Variants in VPS72 observed in about 807,000 individuals in gnomAD.
VPS72 encodes the protein vacuolar protein sorting 72 homolog.
In VPS72, 27 loss-of-function variants were observed where a neutral mutation model predicts 38.9. The observed-to-expected ratio is 0.69, with a 90% CI of 0.51 to 0.96. VPS72 has a LOEUF of 0.96. VPS72 is among the 40% of genes least tolerant of loss of function. The pLI is 0.00. For synonymous variants in VPS72, 173 were observed against 186.3 expected, an observed-to-expected ratio of 0.93 and a Z score of 0.58; for missense variants, 360 against 479.5, an observed-to-expected ratio of 0.75 and a Z score of 2.33.
At chr1:151,177,481 C>T (rs966896237) in intron 5 of VPS72, among the ~76,000 whole-genome samples, 5 of 150,848 alleles carry the variant, frequency 3.3e-5, no homozygotes, top group African/African-American at 1.2e-4. Context: ...TTCTGAGGAA[C>T]GTACTAAGTG....
intron 4 of VPS72, among the ~76,000 whole-genome samples, chr1:151,178,357 T>C (rs1684163191): frequency 6.6e-6 from 1 of 152,236 alleles, no homozygotes; most frequent in African/African-American, 2.4e-5. Context: ...TCTCTGCTCA[T>C]TTCTCAAGTA....
In VPS72 at chr1:151,176,462, G is replaced by A. The variant is rs1323441038; in HGVS notation, c.*182C>T. ...ACCCTAGACTGGACACCAGACAAAA[G>A]GGATCTTTCTATTTTATTAGATTAA... On this transcript the variant is annotated 3_prime_UTR_variant, in exon 6 of 6. Coordinates refer to ENST00000368892, the MANE Select transcript of VPS72 (RefSeq NM_005997.3). The A allele has an allele frequency of 8.5e-6, 9 of 1,054,912 alleles. No homozygotes were observed. The highest frequency in any genetic ancestry group is 5.2e-5 in the Admixed American group (2 of 38,360). The allele number at this position is 1,054,912 out of a possible 1,614,324, so 65.3% of individuals were successfully genotyped here.
chr1:151,181,287 G>C (rs1363299756), intron 4 of VPS72, among the ~76,000 whole-genome samples: 1 of 150,102 alleles, frequency 6.7e-6, no homozygotes, highest in South Asian at 2.1e-4. Context: ...GCCCAGGCTG[G>C]AGTGTAGCGA....
In VPS72 at chr1:151,185,503, C is replaced by T. The variant is rs1161414256; in HGVS notation, c.385+3G>A. 7 of 1,613,970 alleles carry T rather than the reference C, an allele frequency of 4.3e-6. No individual in the cohort carries two copies. The South Asian group carries it at 7.7e-5, about 18-fold the overall frequency. ...GCCAATTGACCCTAACATCCCTACT[C>T]ACTGTCAGAGCCGTCATCTTGTAGT... On this transcript the variant is annotated splice_donor_region_variant and intron_variant, in intron 3 of 5. Coordinates refer to ENST00000368892, the MANE Select transcript of VPS72 (RefSeq NM_005997.3).
chr1:151,185,617 G>T lies in VPS72; in HGVS notation c.274C>A (p.Pro92Thr). The T allele has an allele frequency of 6.2e-7, 1 of 1,614,122 alleles. No individual in the cohort carries two copies. Among genetic ancestry groups the T allele is most frequent in the East Asian group, 2.2e-5 (1 of 44,890 alleles). Residue 92 changes from proline to threonine, a missense_variant, in exon 3 of 6, where the codon CCT (proline) becomes ACT (threonine). Transcript: ENST00000368892. ...TTTCGAGGCCTTAAGCTCTTGAGAG[G>T]TTCCTGAGGACAGATTGGAATCAGA... ...RRVVTKAYKE[P>T]LKSLRPRKVN...
At chr1:151,185,650 G>A in intron 2 of VPS72, 30 bp from the exon 3 acceptor site, 1 of 1,611,986 alleles carries the variant, frequency 6.2e-7, no homozygotes, top group Non-Finnish European at 8.5e-7. Flanking sequence ...AGATACTGGG[G>A]AACAGAAGAA....
At chr1:151,181,464 C>T (rs587725058) in intron 4 of VPS72, among the ~76,000 whole-genome samples, 242 of 151,800 alleles carry the variant, frequency 1.6e-3, no homozygotes, top group South Asian at 3.1e-3. Context: ...AGGCTGGTCT[C>T]GAACTCCTTA....
intron 4 of VPS72, among the ~76,000 whole-genome samples, chr1:151,183,710 C>G (rs903983969): frequency 1.3e-5 from 2 of 152,128 alleles, no homozygotes; most frequent in Non-Finnish European, 2.9e-5. Context: ...GATCCACCCA[C>G]CTTGGCCTCC....
At chr1:151,189,600 C>T (rs1684419663) in intron 1 of VPS72, among the ~76,000 whole-genome samples, 1 of 152,128 alleles carries the variant, frequency 6.6e-6, no homozygotes, top group Non-Finnish European at 1.5e-5. Flanking sequence ...GGAGCGGTTC[C>T]TTTCCATGTC....
At chr1:151,182,651 C>G (rs1349025559) in intron 4 of VPS72, among the ~76,000 whole-genome samples, 1 of 151,966 alleles carries the variant, frequency 6.6e-6, no homozygotes, top group African/African-American at 2.4e-5. Flanking sequence ...AATGTCTGAC[C>G]TCTATCTCAC....
Position 151,178,001 on chromosome 1 carries a change from C to A in VPS72, c.707G>T (p.Gly236Val), listed in dbSNP as rs1453588976. The change falls in exon 5 of 6, where the codon GGA becomes GTA. Residue 236 changes from glycine (G) to valine (V), a missense_variant and splice_region_variant. This residue lies in a region of VPS72 where 294 missense variants were observed against 356.3 expected (regional missense o/e 0.83). Coordinates refer to ENST00000368892, the MANE Select transcript of VPS72 (RefSeq NM_005997.3). ...TCTTTTCCTCTTGAGATTCACTCAC[C>A]CTTCTATGTCAACGTTCTCTTCCTT... ...GPKEENVDIE[G>V]LDPAPSVSAL... 1 of 1,613,542 alleles carries A rather than the reference C, an allele frequency of 6.2e-7. No homozygotes were observed. Among genetic ancestry groups the A allele is most frequent in the Admixed American group, 1.7e-5 (1 of 59,884 alleles).
chr1:151,176,787 T>A lies in VPS72; in HGVS notation c.952A>T (p.Ile318Phe). The change falls in exon 6 of 6, where the codon ATC becomes TTC. Residue 318 changes from isoleucine (I) to phenylalanine (F), a missense_variant. Physicochemically the swap from Ile to Phe is conservative, Grantham distance 21. This residue lies in a region of VPS72 where 294 missense variants were observed against 356.3 expected (regional missense o/e 0.83). Transcript: ENST00000368892. ...TACTTCTTGTAAGCCTCACGAATGATCTTGAAGGCTCGAGCAGTGGCATAG... is the reference window on the plus strand; with the variant it reads ...TACTTCTTGTAAGCCTCACGAATGAACTTGAAGGCTCGAGCAGTGGCATAG... Reference protein sequence around the residue: ...IPYATARAFKIIREAYKKYIT... With the variant: ...IPYATARAFKFIREAYKKYIT... 1 of 1,614,044 alleles carries A rather than the reference T, an allele frequency of 6.2e-7. No homozygotes were observed. Among genetic ancestry groups the A allele is most frequent in the South Asian group, 1.1e-5 (1 of 91,080 alleles).
Position 151,177,757 on chromosome 1 carries a change from C to T in VPS72, c.707+244G>A, listed in dbSNP as rs587675722. Among the ~76,000 whole-genome samples, 10 of 151,502 alleles carry T rather than the reference C, an allele frequency of 6.6e-5. No individual in the cohort carries two copies. The South Asian group carries it at 1.7e-3, about 25-fold the overall frequency. On this transcript the variant is annotated intron_variant, in intron 5 of 5. Coordinates refer to ENST00000368892, the MANE Select transcript of VPS72 (RefSeq NM_005997.3). ...ACTTGGGAGGCTAAGGTGGGAGGAT[C>T]GCCTGAGCACAGGAGGTGGAGGTTG...
In VPS72 at chr1:151,188,900, G is replaced by A. The variant is rs148734838; in HGVS notation, c.117+1105C>T. On this transcript the variant is annotated intron_variant, in intron 1 of 5. Coordinates refer to ENST00000368892, the MANE Select transcript of VPS72 (RefSeq NM_005997.3). ...GGCTGGAGTGCAGTGGTACGATCTC[G>A]GCTCACTGCAACCTCCTCCTCCCAG... Among the ~76,000 whole-genome samples, 489 of 152,040 alleles carry A rather than the reference G, an allele frequency of 3.2e-3. 4 individuals carry two copies. The highest frequency in any genetic ancestry group is 0.011 in the African/African-American group (466 of 41,472).
At position 151,176,826 on chromosome 1, in the gene VPS72, C is replaced by T. The variant is rs1684112833; in HGVS notation, c.913G>A (p.Val305Ile). The stretch of plus-strand genomic sequence containing the variant: ...GCAGTGGCATAGGGTATGTCTGTAA[C>T]AGGGTCCCGGTATAGGGCTGGACGA... ...THRPALYRDP[V>I]TDIPYATARA... is the part of the protein sequence containing the mutation. The change falls in exon 6 of 6, where the codon GTT (valine) becomes ATT (isoleucine). Residue 305 changes from valine (V) to isoleucine (I), a missense_variant. Transcript: ENST00000368892. 1.9e-6 allele frequency: 3 copies of T among 1,614,168 alleles called. No individual in the cohort carries two copies. The highest frequency in any genetic ancestry group is 2.5e-6 in the Non-Finnish European group (3 of 1,180,040).
At chr1:151,188,449 A>G (rs772855903) in intron 1 of VPS72, among the ~76,000 whole-genome samples, 4 of 152,188 alleles carry the variant, frequency 2.6e-5, no homozygotes, top group Non-Finnish European at 4.4e-5. Context: ...CTAAAGTACA[A>G]ATTTCATCGT....
rs1391210924 is a variant in VPS72, at chr1:151,185,828, C to T, written c.240G>A (p.Arg80=). The T allele has an allele frequency of 1.2e-6, 2 of 1,614,056 alleles. No homozygotes were observed. Among genetic ancestry groups the T allele is most frequent in the Non-Finnish European group, 1.7e-6 (2 of 1,180,040 alleles). Residue 80 remains arginine (R), a synonymous_variant, in exon 2 of 6, where the codon AGG becomes AGA. Coordinates refer to ENST00000368892, the MANE Select transcript of VPS72 (RefSeq NM_005997.3). The part of the protein sequence containing the change: ...SSDGEAEEPR[R]KRRVVTKAYK... ...AGGCCTTGGTGACTACTCGGCGCTT[C>T]CTTCTTGGCTCTTCTGCTTCTCCAT...
At chr1:151,188,103 C>T (rs1356687209) in intron 1 of VPS72, among the ~76,000 whole-genome samples, 5 of 150,404 alleles carry the variant, frequency 3.3e-5, no homozygotes, top group Admixed American at 1.3e-4. Flanking sequence ...AGGGCAGTGG[C>T]GCAATCCACT....
At position 151,185,882 on chromosome 1, in the gene VPS72, G is replaced by T. The variant is rs144454139; in HGVS notation, c.186C>A (p.Asp62Glu). 6.2e-7 allele frequency: 1 copy of T among 1,614,070 alleles called. No individual in the cohort carries two copies. The highest frequency in any genetic ancestry group is 8.5e-7 in the Non-Finnish European group (1 of 1,180,040). ...TGGATGGTTCATCCCCTTCATCAATGTCAAAGTCAGAGTCCACTTCGTCCT... is the reference window on the plus strand; with the variant it reads ...TGGATGGTTCATCCCCTTCATCAATTTCAAAGTCAGAGTCCACTTCGTCCT... ...DTEDEVDSDF[D>E]IDEGDEPSSD... The change falls in exon 2 of 6, where the codon GAC becomes GAA. Residue 62 changes from aspartate (D) to glutamate (E), a missense_variant. Coordinates refer to ENST00000368892, the MANE Select transcript of VPS72 (RefSeq NM_005997.3).
Sources: gnomAD v4.1 joint callset for allele counts (sites outside exome capture counted in the v4.1 genomes callset) on GRCh38, gnomAD v4.1.1 for gene constraint, gnomAD v4.1.1 regional missense constraint, MANE v1.5 for transcripts, NCBI Gene and HGNC (gene_info 2026-07-23, HGNC 2026-07-21) for gene names.